The following PRKCH variants were observed in gnomAD, a reference collection of about 807,000 sequenced individuals.
PRKCH encodes protein kinase C eta type.
A neutral mutation model predicts 82.5 loss-of-function variants in PRKCH; 28 were observed. The observed-to-expected ratio is 0.34, with a 90% CI of 0.25 to 0.47. The LOEUF (loss-of-function observed/expected upper bound fraction) is 0.47. Ranked by LOEUF, PRKCH falls within the 20% of genes least tolerant of loss-of-function variation. The probability of loss-of-function intolerance (pLI) is 1.00; values close to 1 mark genes in which losing one functional copy is unlikely to be tolerated. For missense variants in PRKCH, 705 were observed against 881.8 expected, an observed-to-expected ratio of 0.80 and a Z score of 2.54; for synonymous variants, 322 against 327.4, an observed-to-expected ratio of 0.98 and a Z score of 0.18.
intron 1 of PRKCH, among the ~76,000 whole-genome samples, chr14:61,266,415 C>T (rs1349066591): frequency 6.8e-6 from 1 of 147,262 alleles, no homozygotes; most frequent in East Asian, 2.0e-4. Flanking sequence ...GAGACTCCAT[C>T]TCCAAAAATA....
chr14:61,315,567 A>G (rs2045555741), intron 1 of PRKCH, among the ~76,000 whole-genome samples: 1 of 152,156 alleles, frequency 6.6e-6, no homozygotes, highest in Non-Finnish European at 1.5e-5. Context: ...AAGGTATCAA[A>G]TGCCTTATGT....
chr14:61,410,416 T>C (rs1882205124), intron 2 of PRKCH, among the ~76,000 whole-genome samples: 2 of 152,212 alleles, frequency 1.3e-5, no homozygotes, highest in Non-Finnish European at 2.9e-5. Context: ...GCTGCCTGCC[T>C]GTAGGGTAAT....
At chr14:61,365,064 T>C (rs1206525329) in intron 1 of PRKCH, among the ~76,000 whole-genome samples, 2 of 151,960 alleles carry the variant, frequency 1.3e-5, no homozygotes, top group African/African-American at 4.8e-5. Flanking sequence ...TGAAGGCCAG[T>C]GAGGTAGAGG....
At chr14:61,492,103 G>C (rs1856971625) in intron 10 of PRKCH, 1 of 152,316 alleles carries the variant, frequency 6.6e-6, no homozygotes, top group African/African-American at 2.4e-5. Context: ...TAACAGGAAG[G>C]AGTGTGGCAA....
chr14:61,303,831 T>C, intron 1 of PRKCH: 1 of 98,648 alleles, frequency 1.0e-5, no homozygotes, highest in South Asian at 4.1e-4. Flanking sequence ...GATTTTAAAG[T>C]TATATGTCTG....
In PRKCH at chr14:61,322,449, C is replaced by A; in HGVS notation, c.348C>A (p.Asp116Glu). 1.3e-6 allele frequency: 2 copies of A among 1,596,800 alleles called. No individual in the cohort carries two copies. Among genetic ancestry groups the A allele is most frequent in the Non-Finnish European group, 1.7e-6 (2 of 1,166,278 alleles). ...TGCTGCGCACGACCGGCGCCTCGGA[C>A]ACCTTCGAGGGTTGGGTGAGTAGCG... ...QELLRTTGAS[D>E]TFEGWVDLEP... Residue 116 changes from aspartate (D) to glutamate (E), a missense_variant, in exon 1 of 14, where the codon GAC becomes GAA. By Grantham distance (45) the Asp-to-Glu change is conservative. Transcript: ENST00000332981.
chr14:61,285,847 C>CA (rs1180219065), intron 1 of PRKCH, among the ~76,000 whole-genome samples: 1 of 152,164 alleles, frequency 6.6e-6, no homozygotes, highest in Non-Finnish European at 1.5e-5. Context: ...ATTTCCTCCT[C>CA]AAAAAACTCC....
In PRKCH at chr14:61,462,954, A is replaced by C. The variant is rs1315142785; in HGVS notation, c.1278+5275A>C. The C allele has an allele frequency of 1.3e-5, 2 of 152,336 alleles. 1 individual carries two copies. Among genetic ancestry groups the C allele is most frequent in the South Asian group, 4.1e-4 (2 of 4,834 alleles). 9.4% of individuals were successfully genotyped at this position (152,336 alleles called of 1,614,324 possible). A position where few individuals can be genotyped will look rare whatever the true frequency, so the allele number is the denominator to read the frequency against. ...TTTAGGTCAGGCTGACTCTGACTCCATATGTTGTCTTATTCCGCATTTAGT... is the reference window on the plus strand; with the variant it reads ...TTTAGGTCAGGCTGACTCTGACTCCCTATGTTGTCTTATTCCGCATTTAGT... On this transcript the variant is annotated intron_variant, in intron 9 of 13. Transcript: ENST00000332981.
chr14:61,317,705 C>T (rs2045575056), upstream of PRKCH, among the ~76,000 whole-genome samples: 2 of 152,124 alleles, frequency 1.3e-5, no homozygotes, highest in Admixed American at 1.3e-4. Flanking sequence ...CTGGCTACTG[C>T]TTTTCTCTTA....
At chr14:61,430,414 A>G (rs1485660068) in intron 2 of PRKCH, among the ~76,000 whole-genome samples, 1 of 152,254 alleles carries the variant, frequency 6.6e-6, no homozygotes, top group African/African-American at 2.4e-5. Context: ...TTACAGAACT[A>G]AACAGACCAC....
At chr14:61,511,802 G>T (rs1214132297) in intron 10 of PRKCH, among the ~76,000 whole-genome samples, 1 of 152,140 alleles carries the variant, frequency 6.6e-6, no homozygotes, top group East Asian at 1.9e-4. Context: ...TTCTAGTCAG[G>T]AATCTGTCAC....
intron 1 of PRKCH, among the ~76,000 whole-genome samples, chr14:61,308,776 T>TAATATCCGGAGTTCAAGACCAGCC (rs1399647901): frequency 4.6e-5 from 7 of 152,014 alleles, no homozygotes; most frequent in African/African-American, 1.7e-4. Flanking sequence ...CTACAGGCAT[T>TAATATCCGGAGTTCAAGACCAGCC]TGCCACCACA....
chr14:61,243,057 C>T (rs186101258), intron 1 of PRKCH, among the ~76,000 whole-genome samples: 59 of 142,454 alleles, frequency 4.1e-4, no homozygotes, highest in African/African-American at 1.5e-3. Context: ...AGGGATTTGA[C>T]CTAGACCCGA....
At chr14:61,286,749 C>A (rs74899760) in intron 1 of PRKCH, among the ~76,000 whole-genome samples, 4 of 151,920 alleles carry the variant, frequency 2.6e-5, no homozygotes, top group African/African-American at 9.7e-5. Flanking sequence ...GCACTCCAAC[C>A]TGGGCGACAA....
intron 1 of PRKCH, among the ~76,000 whole-genome samples, chr14:61,205,540 A>C (rs1294461752): frequency 6.6e-6 from 1 of 152,104 alleles, no homozygotes; most frequent in African/African-American, 2.4e-5. Context: ...TTTATCCTGA[A>C]TTCCCTTAGC....
intron 1 of PRKCH, among the ~76,000 whole-genome samples, chr14:61,372,605 A>G (rs1033076602): frequency 4.6e-5 from 7 of 152,014 alleles, no homozygotes; most frequent in Admixed American, 1.3e-4. Context: ...GGTTATGTGA[A>G]ATTCGTTATG....
intron 1 of PRKCH, among the ~76,000 whole-genome samples, chr14:61,331,975 C>T (rs2045794739): frequency 6.6e-6 from 1 of 152,220 alleles, no homozygotes; most frequent in South Asian, 2.1e-4. Context: ...TAAGGCAATA[C>T]ATTTCAAGCC....
At chr14:61,486,635 T>C (rs959208538) in intron 10 of PRKCH, among the ~76,000 whole-genome samples, 2 of 152,114 alleles carry the variant, frequency 1.3e-5, no homozygotes, top group Non-Finnish European at 2.9e-5. Flanking sequence ...TAATTGCACA[T>C]ATGCTCTTTT....
At chr14:61,521,182 T>A (rs2042901408) in intron 10 of PRKCH, among the ~76,000 whole-genome samples, 1 of 152,240 alleles carries the variant, frequency 6.6e-6, no homozygotes, top group African/African-American at 2.4e-5. Context: ...TCATTTTCTC[T>A]ATACCTTTTT....
Sources: allele counts gnomAD v4.1 joint callset (sites outside exome capture counted in the v4.1 genomes callset), GRCh38; gene constraint gnomAD v4.1.1; transcripts MANE v1.5; gene names NCBI Gene and HGNC (gene_info 2026-07-23, HGNC 2026-07-21).